Variants in KIAA0930 observed in about 807,000 individuals in gnomAD.
The protein encoded by KIAA0930 is uncharacterized protein KIAA0930.
Under a neutral mutation model 43.9 loss-of-function variants are expected in KIAA0930, and 24 were observed. That is an observed-to-expected ratio of 0.55 (90% confidence interval 0.40 to 0.77). The LOEUF (loss-of-function observed/expected upper bound fraction) is 0.77, where lower values mean the gene tolerates loss of function less well. KIAA0930 is among the 30% of genes least tolerant of loss of function. The pLI, the probability that KIAA0930 is intolerant of heterozygous loss-of-function variation, is 0.00. For missense variants in KIAA0930, 461 were observed against 574.2 expected, an observed-to-expected ratio of 0.80 and a Z score of 2.02; for synonymous variants, 259 against 216.4, an observed-to-expected ratio of 1.20 and a Z score of -1.73.
chr22:45,229,354 A>G (rs1424431094), intron 1 of KIAA0930, among the ~76,000 whole-genome samples: 1 of 107,642 alleles, frequency 9.3e-6, no homozygotes, highest in Admixed American at 1.0e-4. Context: ...ATCCCTCTCC[A>G]CTCCCCCATC....
In KIAA0930 at chr22:45,205,396, G is replaced by A. The variant is rs574940714; in HGVS notation, c.415-78C>T. On this transcript the variant is annotated intron_variant, in intron 4 of 9. Coordinates refer to ENST00000336156, the MANE Select transcript of KIAA0930 (RefSeq NM_001009880.2). ...CCAGAGCCAGTCCAAGCCAGTATAG[G>A]GAGGCCACCCGGCCCAGAGCCAGTC... is the stretch of plus-strand genomic sequence containing the variant. 8.2e-4 allele frequency: 1,070 copies of A among 1,306,030 alleles called. 3 individuals carry two copies. Among genetic ancestry groups the A allele is most frequent in the South Asian group, 1.1e-3 (88 of 82,224 alleles). 80.9% of individuals were successfully genotyped at this position (1,306,030 alleles called of 1,614,324 possible).
intron 1 of KIAA0930, among the ~76,000 whole-genome samples, chr22:45,228,374 C>T (rs1326809043): frequency 1.3e-5 from 2 of 152,124 alleles, no homozygotes; most frequent in Non-Finnish European, 2.9e-5. Flanking sequence ...ACCTTCTTCT[C>T]CCTAATTCAT....
chr22:45,207,354 G>A (rs1413714556), intron 2 of KIAA0930, among the ~76,000 whole-genome samples: 1 of 145,588 alleles, frequency 6.9e-6, no homozygotes. Flanking sequence ...ATGAAGTCTT[G>A]CTTTGTCACC....
chr22:45,217,881 G>C (rs2083743410), intron 1 of KIAA0930, among the ~76,000 whole-genome samples: 1 of 152,216 alleles, frequency 6.6e-6, no homozygotes, highest in Admixed American at 6.5e-5. Context: ...GCTTCTGTAA[G>C]TCACTCTCTT....
At chr22:45,213,486 C>A (rs1416449780) in intron 1 of KIAA0930, 26 of 1,199,190 alleles carry the variant, frequency 2.2e-5, no homozygotes, top group Non-Finnish European at 2.5e-5. Flanking sequence ...CTCACAGGAC[C>A]CGGGGGAACG....
chr22:45,232,172 C>T (rs1253748094), intron 1 of KIAA0930, among the ~76,000 whole-genome samples: 6 of 152,180 alleles, frequency 3.9e-5, no homozygotes, highest in Non-Finnish European at 7.3e-5. Flanking sequence ...GACAACACCC[C>T]TCCTGCCTTC....
chr22:45,229,930 C>G (rs1015249100), intron 1 of KIAA0930, among the ~76,000 whole-genome samples: 1 of 152,148 alleles, frequency 6.6e-6, no homozygotes, highest in Non-Finnish European at 1.5e-5. Context: ...CCTGTCTCTA[C>G]GAAAAATACA....
rs1240844146 is a variant in KIAA0930, at chr22:45,203,022, C to T, written c.820G>A (p.Asp274Asn). ...TGCATGGGCGAAGCTGGGCTGGAGT[C>T]CTCTTCAGTCCCACAGGGGGATGTG... is the stretch of plus-strand genomic sequence containing the variant. ...GDTSPCGTEEDSSPASPMHER... is the reference protein window; with the variant it reads ...GDTSPCGTEENSSPASPMHER... The change falls in exon 7 of 10, where the codon GAC (aspartate) becomes AAC (asparagine). Residue 274 changes from aspartate to asparagine, a missense_variant. Asp to Asn is a conservative substitution (Grantham distance 23). Coordinates refer to ENST00000336156, the MANE Select transcript of KIAA0930 (RefSeq NM_001009880.2). 6.2e-7 allele frequency: 1 copy of T among 1,612,742 alleles called. No homozygotes were observed. Among genetic ancestry groups the T allele is most frequent in the African/African-American group, 1.3e-5 (1 of 75,052 alleles).
At chr22:45,213,535 T>C (rs75464288) in intron 1 of KIAA0930, 26,681 of 1,163,686 alleles carry the variant, frequency 0.023, 352 homozygotes, top group Non-Finnish European at 0.027. Context: ...TTGAAATTCC[T>C]GCCGCGTTTT....
At chr22:45,229,896 C>G (rs1345950978) in intron 1 of KIAA0930, among the ~76,000 whole-genome samples, 1 of 152,340 alleles carries the variant, frequency 6.6e-6, no homozygotes, top group Middle Eastern at 3.4e-3. Flanking sequence ...GAGTTCAAGA[C>G]CAGCCTGGCC....
chr22:45,227,767 CCTT>C lies in KIAA0930; in HGVS notation c.64+12870_64+12872del, dbSNP rs917374159. ...TCAGGGAAGGATCCTGGACGCAGAGCCTTCTTCTTGTCGCAGCCTCTGATAGAG... is the reference window on the plus strand; with the variant it reads ...TCAGGGAAGGATCCTGGACGCAGAGCCTTCTTGTCGCAGCCTCTGATAGAG... On this transcript the variant is annotated intron_variant, in intron 1 of 9. Coordinates refer to ENST00000336156, the MANE Select transcript of KIAA0930 (RefSeq NM_001009880.2). 4.6e-5 allele frequency among the ~76,000 whole-genome samples: 7 copies of C among 152,332 alleles called. No homozygotes were observed. In the East Asian group the frequency reaches 7.7e-4, roughly 17 times the overall value.
intron 1 of KIAA0930, among the ~76,000 whole-genome samples, chr22:45,228,030 T>C (rs1211981717): frequency 2.6e-5 from 4 of 152,106 alleles, no homozygotes; most frequent in Non-Finnish European, 4.4e-5. Flanking sequence ...ATGCAGACAA[T>C]CCGTGGGCTG....
Position 45,197,954 on chromosome 22 carries a change from G to C in KIAA0930, c.1016-6C>G. On this transcript the variant is annotated splice_polypyrimidine_tract_variant and splice_region_variant and intron_variant, in intron 8 of 9. Coordinates refer to ENST00000336156, the MANE Select transcript of KIAA0930 (RefSeq NM_001009880.2). ...GGTTGCATTGTGCAGATCGGCTGGAGGAAAGAAGGCCAGGTCAAGGCCCCC... is the reference window on the plus strand; with the variant it reads ...GGTTGCATTGTGCAGATCGGCTGGACGAAAGAAGGCCAGGTCAAGGCCCCC... The C allele has an allele frequency of 6.2e-7, 1 of 1,613,658 alleles. No individual in the cohort carries two copies. The highest frequency in any genetic ancestry group is 1.1e-5 in the South Asian group (1 of 91,068).
chr22:45,219,811 G>A (rs1441046173), intron 1 of KIAA0930, among the ~76,000 whole-genome samples: 1 of 151,938 alleles, frequency 6.6e-6, no homozygotes. Context: ...GGCTGGTCTT[G>A]AGTGCCTGAG....
At chr22:45,206,408 C>G (rs532738469) in intron 2 of KIAA0930, among the ~76,000 whole-genome samples, 3 of 152,332 alleles carry the variant, frequency 2.0e-5, no homozygotes, top group African/African-American at 7.2e-5. Flanking sequence ...GTTTCTTCAT[C>G]TGTACAATGG....
chr22:45,197,343 A>G (rs1330998328), intron 9 of KIAA0930, 127 bp from the exon 10 acceptor site: 3 of 789,370 alleles, frequency 3.8e-6, no homozygotes, highest in Admixed American at 2.8e-5. Context: ...TCCAGGCCTC[A>G]CAGACTGCAG....
intron 8 of KIAA0930, among the ~76,000 whole-genome samples, chr22:45,199,080 G>A (rs1282477403): frequency 6.6e-6 from 1 of 152,190 alleles, no homozygotes; most frequent in Non-Finnish European, 1.5e-5. Flanking sequence ...TTCCCAACCT[G>A]TCTGTGACGG....
chr22:45,205,663 G>C lies in KIAA0930; in HGVS notation c.381C>G (p.Gly127=). The part of the protein sequence containing the change: ...VTCAVCTRAD[G]GDIHIHKKKS... ...TCTTCTTATGGATGTGAATGTCCCC[G>C]CCGTCAGCACGTGTGCACACCGCAC... is the stretch of plus-strand genomic sequence containing the variant. The change falls in exon 4 of 10, where the codon GGC becomes GGG. Residue 127 remains glycine, a synonymous_variant. Transcript: ENST00000336156. 6.2e-7 allele frequency: 1 copy of C among 1,614,038 alleles called. No homozygotes were observed. Among genetic ancestry groups the C allele is most frequent in the Non-Finnish European group, 8.5e-7 (1 of 1,180,012 alleles).
intron 8 of KIAA0930, 138 bp from the exon 9 acceptor site, chr22:45,198,086 C>T (rs2083553804): frequency 9.2e-6 from 7 of 759,110 alleles, no homozygotes; most frequent in South Asian, 1.7e-5. Context: ...CACACCAGCA[C>T]CCACACGCTC....
Sources: gnomAD v4.1 joint callset for allele counts (sites outside exome capture counted in the v4.1 genomes callset) on GRCh38, gnomAD v4.1.1 for gene constraint, MANE v1.5 for transcripts, NCBI Gene and HGNC (gene_info 2026-07-23, HGNC 2026-07-21) for gene names.